Variants in KLHL11 observed in about 807,000 individuals in gnomAD.
KLHL11 encodes kelch like family member 11.
KLHL11 carries 26 observed loss-of-function variants against 56.1 expected under a neutral mutation model. The ratio of observed to expected loss-of-function variants is 0.46; its 90% CI spans 0.34 to 0.64. KLHL11 has a LOEUF of 0.64. Ranked by LOEUF, KLHL11 falls within the 30% of genes least tolerant of loss-of-function variation. The pLI is 0.01. For missense variants in KLHL11, 627 were observed against 919.4 expected (o/e 0.68, Z 4.11); for synonymous variants, 338 against 345.8 (o/e 0.98, Z 0.25).
rs1031746713 is a variant in KLHL11 at position 41,852,646 on chromosome 17, C to A, written c.*1094G>T. Among the ~76,000 whole-genome samples, 18 of 151,780 alleles carry A rather than the reference C, an allele frequency of 1.2e-4. No homozygotes were observed. The highest frequency in any genetic ancestry group is 2.6e-4 in the Non-Finnish European group (18 of 67,956). On this transcript the variant is annotated 3_prime_UTR_variant, in exon 2 of 2. Transcript: ENST00000319121. ...TCTCTACTAAAAGCACAAAAATTAG[C>A]CAGGCGTGATGGTGGGTACCTGTAA...
At chr17:41,855,542 G>A (rs1368253567) in intron 1 of KLHL11, among the ~76,000 whole-genome samples, 1 of 152,034 alleles carries the variant, frequency 6.6e-6, no homozygotes, top group Non-Finnish European at 1.5e-5. Flanking sequence ...GCTAATTTTT[G>A]TATTTTTAGT....
In KLHL11 at chr17:41,849,822, T is replaced by G. The variant is rs1464558326; in HGVS notation, c.*3918A>C. The G allele has an allele frequency of 6.6e-6, 1 of 152,146 alleles. No homozygotes were observed. The highest frequency in any genetic ancestry group is 1.5e-5 in the Non-Finnish European group (1 of 68,014). The allele number at this position is 152,146 out of a possible 1,614,324, so 9.4% of individuals were successfully genotyped here. On this transcript the variant is annotated 3_prime_UTR_variant, in exon 2 of 2. Coordinates refer to ENST00000319121, the MANE Select transcript of KLHL11 (RefSeq NM_018143.3). ...ATATACCACTGATTTTTTTAAGCCATGGTGGGGTAGATATAGTTCAAGGAT... is the reference window on the plus strand; with the variant it reads ...ATATACCACTGATTTTTTTAAGCCAGGGTGGGGTAGATATAGTTCAAGGAT...
rs570778006 is a variant in KLHL11, at chr17:41,852,307, G to C, written c.*1433C>G. Among the ~76,000 whole-genome samples, 1 of 150,902 alleles carries C rather than the reference G, an allele frequency of 6.6e-6. No homozygotes were observed. Among genetic ancestry groups the C allele is most frequent in the African/African-American group, 2.4e-5 (1 of 41,096 alleles). ...GTTGGGATTACAGTCATGAGCCACC[G>C]TGCCCAGCCCATAAACCTTTAAAAG... On this transcript the variant is annotated 3_prime_UTR_variant, in exon 2 of 2. Coordinates refer to ENST00000319121, the MANE Select transcript of KLHL11 (RefSeq NM_018143.3).
intron 1 of KLHL11, among the ~76,000 whole-genome samples, chr17:41,857,043 A>G (rs2048370979): frequency 6.6e-6 from 1 of 151,952 alleles, no homozygotes; most frequent in Admixed American, 6.6e-5. Flanking sequence ...TAAAAAGCAC[A>G]TATAGAGCTG....
rs144099618 is a variant in KLHL11 at position 41,858,405 on chromosome 17, T to TATATA, written c.546-3085_546-3084insTATAT. On this transcript the variant is annotated intron_variant, in intron 1 of 1. Transcript: ENST00000319121. Reference sequence around the variant, plus strand: ...CCAAACCCAGATATATATATATATATTTTTTGTTGTTGTTGTTGTTGTTGT... The same window carrying TATATA: ...CCAAACCCAGATATATATATATATATATATATTTTTGTTGTTGTTGTTGTTGTTGT... 3.0e-3 allele frequency among the ~76,000 whole-genome samples: 149 copies of TATATA among 49,084 alleles called. 1 individual carries two copies. Among genetic ancestry groups the TATATA allele is most frequent in the Non-Finnish European group, 3.5e-3 (95 of 27,492 alleles). 32.2% of individuals were successfully genotyped at this position (49,084 alleles called of 152,430 possible). A position where few individuals can be genotyped will look rare whatever the true frequency, so the allele number is the denominator to read the frequency against.
rs2048328552 is a variant in KLHL11 at position 41,850,889 on chromosome 17, A to T, written c.*2851T>A. The T allele has an allele frequency of 6.6e-6, 1 of 152,212 alleles. No individual in the cohort carries two copies. Among genetic ancestry groups the T allele is most frequent in the Non-Finnish European group, 1.5e-5 (1 of 68,020 alleles). The allele number at this position is 152,212 out of a possible 1,614,324, so 9.4% of individuals were successfully genotyped here. Reference sequence around the variant, plus strand: ...TCAACACATTTATTAAAAACTTTTCACCTAGGCAGGGATACTAATTTAAAA... The same window carrying T: ...TCAACACATTTATTAAAAACTTTTCTCCTAGGCAGGGATACTAATTTAAAA... On this transcript the variant is annotated 3_prime_UTR_variant, in exon 2 of 2. Coordinates refer to ENST00000319121, the MANE Select transcript of KLHL11 (RefSeq NM_018143.3).
At chr17:41,858,507 A>C (rs2048382561) in intron 1 of KLHL11, among the ~76,000 whole-genome samples, 1 of 151,452 alleles carries the variant, frequency 6.6e-6, no homozygotes, top group Admixed American at 6.6e-5. Flanking sequence ...ATCTTGGCTC[A>C]CTGCAACCTC....
chr17:41,854,665 G>C lies in KLHL11; in HGVS notation c.1202C>G (p.Ala401Gly). ...PHIHNHLDGHAVAVTESYVYV... is the reference protein window; with the variant it reads ...PHIHNHLDGHGVAVTESYVYV... ...CACGTAGGATTCTGTTACTGCAACAGCATGTCCATCGAGGTGATTATGAAT... is the reference window on the plus strand; with the variant it reads ...CACGTAGGATTCTGTTACTGCAACACCATGTCCATCGAGGTGATTATGAAT... The change falls in exon 2 of 2, where the codon GCT (alanine) becomes GGT (glycine). Residue 401 changes from alanine (A) to glycine (G), a missense_variant. Transcript: ENST00000319121. The surrounding 1 kb of genome is among the most constrained non-coding windows in gnomAD (Gnocchi z 4.9). The C allele has an allele frequency of 6.2e-7, 1 of 1,614,102 alleles. No homozygotes were observed. The highest frequency in any genetic ancestry group is 8.5e-7 in the Non-Finnish European group (1 of 1,180,020).
chr17:41,863,120 CA>C (rs1478759462), intron 1 of KLHL11, among the ~76,000 whole-genome samples: 1 of 152,054 alleles, frequency 6.6e-6, no homozygotes, highest in East Asian at 1.9e-4. Context: ...ACCACTGCCA[CA>C]ACCTCCTACA....
At chr17:41,857,232 C>T (rs937947783) in intron 1 of KLHL11, among the ~76,000 whole-genome samples, 2 of 151,664 alleles carry the variant, frequency 1.3e-5, no homozygotes, top group African/African-American at 2.4e-5. Context: ...ACAGGCCGGG[C>T]GCAGTGGCTC....
rs1180307653 is a variant in KLHL11, at chr17:41,848,818, C to T, written c.*4922G>A. On this transcript the variant is annotated 3_prime_UTR_variant, in exon 2 of 2. Coordinates refer to ENST00000319121, the MANE Select transcript of KLHL11 (RefSeq NM_018143.3). ...ATAAAATCTTCAAACACCTAGCAAG[C>T]ACTACTTTTCACGAGTGCATTATGC... 1 of 157,136 alleles carries T rather than the reference C, an allele frequency of 6.4e-6. No homozygotes were observed. Among genetic ancestry groups the T allele is most frequent in the African/African-American group, 2.4e-5 (1 of 41,458 alleles). 9.7% of individuals were successfully genotyped at this position (157,136 alleles called of 1,614,324 possible).
In KLHL11 at chr17:41,855,049, C is replaced by A; in HGVS notation, c.818G>T (p.Trp273Leu). Reference sequence around the variant, plus strand: ...TCTCTCTTCAGCATTTCTCTGAACCCATTTCAAAACGGTTTCAAAGAGAAC... The same window carrying A: ...TCTCTCTTCAGCATTTCTCTGAACCAATTTCAAAACGGTTTCAAAGAGAAC... ...EEVLFETVLK[W>L]VQRNAEERER... Residue 273 changes from tryptophan (W) to leucine (L), a missense_variant, in exon 2 of 2, where the codon TGG becomes TTG. Trp to Leu is a moderately conservative substitution (Grantham distance 61). Transcript: ENST00000319121. 6.2e-7 allele frequency: 1 copy of A among 1,614,128 alleles called. No individual in the cohort carries two copies. Among genetic ancestry groups the A allele is most frequent in the Non-Finnish European group, 8.5e-7 (1 of 1,180,032 alleles).
chr17:41,865,347 C>T lies in KLHL11; in HGVS notation c.24G>A (p.Ala8=), dbSNP rs1404398505. Residue 8 remains alanine (A), a synonymous_variant, in exon 1 of 2, where the codon GCG becomes GCA. Transcript: ENST00000319121. MAAAAVA[A]AAAAAAAASL... is the part of the protein sequence containing the mutation. ...ATGCAGCCGCGGCCGCCGCCGCCGCCGCCGCCACTGCCGCAGCCGCCATCT... is the reference window on the plus strand; with the variant it reads ...ATGCAGCCGCGGCCGCCGCCGCCGCTGCCGCCACTGCCGCAGCCGCCATCT... 5.5e-6 allele frequency: 8 copies of T among 1,443,892 alleles called. No homozygotes were observed. The highest frequency in any genetic ancestry group is 2.1e-4 in the Middle Eastern group (1 of 4,690). The allele number at this position is 1,443,892 out of a possible 1,614,324, so 89.4% of individuals were successfully genotyped here. A position where few individuals can be genotyped will look rare whatever the true frequency, so the allele number is the denominator to read the frequency against.
chr17:41,862,501 C>T (rs1555623133), intron 1 of KLHL11, among the ~76,000 whole-genome samples: 1 of 151,062 alleles, frequency 6.6e-6, no homozygotes, highest in East Asian at 1.9e-4. Context: ...AGGATAGTCT[C>T]GATCTCCTGA....
Position 41,854,113 on chromosome 17 carries a change from G to C in KLHL11, c.1754C>G (p.Ser585Cys). The C allele has an allele frequency of 6.2e-7, 1 of 1,614,194 alleles. No individual in the cohort carries two copies. The highest frequency in any genetic ancestry group is 8.5e-7 in the Non-Finnish European group (1 of 1,180,030). ...EAVRKIASQV[S>C]DEILESLPPE... is the part of the protein sequence containing the mutation. ...AGGCAAGCTTTCAAGGATCTCATCA[G>C]ACACTTGGCTGGCAATTTTTCTTAC... The change falls in exon 2 of 2, where the codon TCT becomes TGT. Residue 585 changes from serine to cysteine, a missense_variant. This residue lies in a region of KLHL11 where 250 missense variants were observed against 360.6 expected (regional missense o/e 0.69). Transcript: ENST00000319121. This position sits in a 1 kb window ranked among gnomAD's most constrained non-coding sequence, Gnocchi z 4.9.
At position 41,854,496 on chromosome 17, in the gene KLHL11, G is replaced by A; in HGVS notation, c.1371C>T (p.Ser457=). The change falls in exon 2 of 2, where the codon AGC becomes AGT. Residue 457 remains serine, a synonymous_variant. Coordinates refer to ENST00000319121, the MANE Select transcript of KLHL11 (RefSeq NM_018143.3). The surrounding 1 kb of genome is among the most constrained non-coding windows in gnomAD (Gnocchi z 4.9). ...GACTAAAGTTGCCATGTCCTCCAAT[G>A]CTATAGAGCTTCCCTTTGACTTCTG... The part of the protein sequence containing the change: ...GLTEVKGKLY[S]IGGHGNFSPG... The A allele has an allele frequency of 6.2e-7, 1 of 1,614,172 alleles. No homozygotes were observed.
At chr17:41,861,915 C>T (rs1368377297) in intron 1 of KLHL11, among the ~76,000 whole-genome samples, 9 of 152,068 alleles carry the variant, frequency 5.9e-5, no homozygotes, top group Admixed American at 5.9e-4. Flanking sequence ...GATTGTCCCC[C>T]AAAACATTTA....
At position 41,855,259 on chromosome 17, in the gene KLHL11, G is replaced by A. The variant is rs1555622420; in HGVS notation, c.608C>T (p.Ser203Leu). 6.2e-7 allele frequency: 1 copy of A among 1,605,642 alleles called. No individual in the cohort carries two copies. The highest frequency in any genetic ancestry group is 8.5e-7 in the Non-Finnish European group (1 of 1,176,130). The change falls in exon 2 of 2, where the codon TCA (serine) becomes TTA (leucine). Residue 203 changes from serine (S) to leucine (L), a missense_variant. Transcript: ENST00000319121. ...GEFLKKKLHL[S>L]NCVAIHSLAH... is the part of the protein sequence containing the mutation. ...TAAGCTATGAATTGCCACACAATTTGAGAGATGAAGTTTTTTCTTGAGAAA... is the reference window on the plus strand; with the variant it reads ...TAAGCTATGAATTGCCACACAATTTAAGAGATGAAGTTTTTTCTTGAGAAA...
Position 41,865,149 on chromosome 17 carries a change from G to C in KLHL11, c.222C>G (p.Ser74Arg). Residue 74 changes from serine (S) to arginine (R), a missense_variant, in exon 1 of 2, where the codon AGC becomes AGG. Ser to Arg is a moderately radical substitution (Grantham distance 110). Coordinates refer to ENST00000319121, the MANE Select transcript of KLHL11 (RefSeq NM_018143.3). ...GCCAGGACAGCTCTGAGCAGTGAGA[G>C]CTGCACTCGAAATCCTCGGCTTCTG... ...PGPEAEDFEC[S>R]SHCSELSWRQ... 6.2e-7 allele frequency: 1 copy of C among 1,609,968 alleles called. No individual in the cohort carries two copies. The highest frequency in any genetic ancestry group is 8.5e-7 in the Non-Finnish European group (1 of 1,178,928).
Sources: gnomAD v4.1 joint callset for allele counts (sites outside exome capture counted in the v4.1 genomes callset) on GRCh38, gnomAD v4.1.1 for gene constraint, gnomAD v4.1.1 regional missense constraint, Gnocchi (gnomAD v3.1) non-coding constraint, MANE v1.5 for transcripts, NCBI Gene and HGNC (gene_info 2026-07-23, HGNC 2026-07-21) for gene names.